Variants in CSMD3 observed in about 807,000 individuals in gnomAD.
CSMD3 encodes the protein CUB and sushi domain-containing protein 3.
Under a neutral mutation model 435.2 loss-of-function variants are expected in CSMD3, and 177 were observed. The ratio of observed to expected loss-of-function variants is 0.41; its 90% CI spans 0.36 to 0.46. The LOEUF (loss-of-function observed/expected upper bound fraction) is 0.46. Ranked by LOEUF, CSMD3 falls within the 20% of genes least tolerant of loss-of-function variation. The pLI is 0.34. For synonymous variants in CSMD3, 1,656 were observed against 1,520.5 expected (o/e 1.09, Z -2.07); for missense variants, 4,265 against 4,504.6 (o/e 0.95, Z 1.52).
chr8:112,876,751 T>C (rs2081293898), intron 10 of CSMD3, among the ~76,000 whole-genome samples: 1 of 152,150 alleles, frequency 6.6e-6, no homozygotes, highest in Non-Finnish European at 1.5e-5. Context: ...TTGGAAGTTC[T>C]GGCCAGGGAA....
At chr8:113,347,417 C>T (rs1452127662) in intron 1 of CSMD3, among the ~76,000 whole-genome samples, 1 of 152,076 alleles carries the variant, frequency 6.6e-6, no homozygotes, top group Non-Finnish European at 1.5e-5. Context: ...CATTGAAAGG[C>T]GTGTAAAGGT....
In CSMD3 at chr8:112,826,886, A is replaced by C. The variant is rs1718156159; in HGVS notation, c.1859+2800T>G. On this transcript the variant is annotated intron_variant, in intron 12 of 70. Transcript: ENST00000297405. ...GGTACTTGGTATTCTTTTGAAAAATAATACCTAATAGTCATTCTATGTTAC... is the reference window on the plus strand; with the variant it reads ...GGTACTTGGTATTCTTTTGAAAAATCATACCTAATAGTCATTCTATGTTAC... 2.0e-5 allele frequency among the ~76,000 whole-genome samples: 3 copies of C among 152,186 alleles called. No individual in the cohort carries two copies. In the South Asian group the frequency reaches 6.2e-4, roughly 32 times the overall value.
intron 23 of CSMD3, among the ~76,000 whole-genome samples, chr8:112,582,234 C>T (rs933955209): frequency 6.6e-6 from 1 of 151,958 alleles, no homozygotes; most frequent in Non-Finnish European, 1.5e-5. Context: ...TTTCTCACCA[C>T]GTAAAACACC....
chr8:112,582,919 T>A (rs1400593878), intron 23 of CSMD3, among the ~76,000 whole-genome samples: 1 of 152,034 alleles, frequency 6.6e-6, no homozygotes, highest in African/African-American at 2.4e-5. Flanking sequence ...TCAGACATAA[T>A]CTGCTAGTGC....
chr8:112,698,341 T>C (rs534635560), intron 13 of CSMD3, among the ~76,000 whole-genome samples: 1 of 152,270 alleles, frequency 6.6e-6, no homozygotes, highest in East Asian at 1.9e-4. Context: ...TGGATATACA[T>C]ACATATGTCA....
At position 112,292,620 on chromosome 8, in the gene CSMD3, T is replaced by C. The variant is rs778445264; in HGVS notation, c.8705A>G (p.Asn2902Ser). ...NFNDVVTFSC[N>S]IGYLMQGPTK... ...TGGCCCTTGCATAAGATACCCAATA[T>C]TGCATGAGAATGTTACCACATCATT... Residue 2902 changes from asparagine (N) to serine (S), a missense_variant, in exon 55 of 71, where the codon AAT (asparagine) becomes AGT (serine). Transcript: ENST00000297405. 1.1e-5 allele frequency: 17 copies of C among 1,613,694 alleles called. No homozygotes were observed. The South Asian group carries it at 1.9e-4, about 18-fold the overall frequency.
At chr8:112,478,693 G>C (rs146966063) in intron 31 of CSMD3, among the ~76,000 whole-genome samples, 1 of 152,144 alleles carries the variant, frequency 6.6e-6, no homozygotes, top group African/African-American at 2.4e-5. Context: ...AGATAGGGGT[G>C]GGTCCGTGGT....
At chr8:112,581,956 G>GT (rs1830365520) in intron 23 of CSMD3, among the ~76,000 whole-genome samples, 1 of 152,052 alleles carries the variant, frequency 6.6e-6, no homozygotes, top group Non-Finnish European at 1.5e-5. Context: ...GGAAGAATAT[G>GT]TAAGCAGAAG....
Position 112,661,150 on chromosome 8 carries a change from G to T in CSMD3, c.2817-4809C>A, listed in dbSNP as rs2075370511. ...TTTGTGTCTTAATCAATAGATAAAA[G>T]AATAAGAAAGTGGCAGAGTAAAACG... On this transcript the variant is annotated intron_variant, in intron 17 of 70. Transcript: ENST00000297405. Among the ~76,000 whole-genome samples, 3 of 152,220 alleles carry T rather than the reference G, an allele frequency of 2.0e-5. No individual in the cohort carries two copies. The South Asian group carries it at 6.2e-4, about 32-fold the overall frequency.
chr8:112,856,153 C>T lies in CSMD3; in HGVS notation c.1755+2992G>A, dbSNP rs531473966. ...TTTTAACTTGCTGTTATAAAGAAAC[C>T]CTCAATTATTTTCATTACTCAAATG... On this transcript the variant is annotated intron_variant, in intron 11 of 70. Coordinates refer to ENST00000297405, the MANE Select transcript of CSMD3 (RefSeq NM_198123.2). 9.2e-5 allele frequency among the ~76,000 whole-genome samples: 14 copies of T among 151,810 alleles called. No homozygotes were observed. In the South Asian group the frequency reaches 2.1e-3, roughly 23 times the overall value.
At chr8:112,666,001 T>TG (rs2075515080) in intron 17 of CSMD3, among the ~76,000 whole-genome samples, 1 of 152,054 alleles carries the variant, frequency 6.6e-6, no homozygotes, top group African/African-American at 2.4e-5. Context: ...ACTAAACTCA[T>TG]TAAGTTAAAG....
At chr8:112,281,470 T>C in intron 58 of CSMD3, 120 bp from the exon 59 acceptor site, 1 of 791,154 alleles carries the variant, frequency 1.3e-6, no homozygotes, top group South Asian at 1.6e-5. Context: ...ACTTCTAAAA[T>C]AAGTAGTAAA....
At chr8:112,828,953 T>C (rs2079780605) in intron 12 of CSMD3, among the ~76,000 whole-genome samples, 2 of 152,212 alleles carry the variant, frequency 1.3e-5, no homozygotes, top group South Asian at 2.1e-4. Flanking sequence ...TAACCCTTGG[T>C]TTATTACAGG....
intron 10 of CSMD3, among the ~76,000 whole-genome samples, chr8:112,869,742 T>C (rs1331691013): frequency 6.6e-6 from 1 of 152,162 alleles, no homozygotes; most frequent in East Asian, 1.9e-4. Context: ...GGGACATGGA[T>C]GAAGCTGGAA....
chr8:112,530,792 C>A (rs1825450461), intron 27 of CSMD3, among the ~76,000 whole-genome samples: 1 of 152,228 alleles, frequency 6.6e-6, no homozygotes, highest in African/African-American at 2.4e-5. Flanking sequence ...GCCCTTGACT[C>A]CGAGCCAATA....
At chr8:112,299,971 T>C (rs527981822) in intron 53 of CSMD3, among the ~76,000 whole-genome samples, 1 of 151,372 alleles carries the variant, frequency 6.6e-6, no homozygotes, top group African/African-American at 2.4e-5. Context: ...ACATACTATA[T>C]ACAATATTAA....
At chr8:113,412,837 C>T (rs1300183518) in intron 1 of CSMD3, among the ~76,000 whole-genome samples, 3 of 152,000 alleles carry the variant, frequency 2.0e-5, no homozygotes, top group African/African-American at 7.2e-5. Flanking sequence ...AGCACGGATG[C>T]ATTAAATATC....
At chr8:112,751,638 T>A in intron 13 of CSMD3, among the ~76,000 whole-genome samples, 1 of 143,056 alleles carries the variant, frequency 7.0e-6, no homozygotes, top group Middle Eastern at 3.6e-3. Flanking sequence ...GTTTTTTTTT[T>A]TTTTTATATA....
At chr8:112,816,711 C>A (rs1267053751) in intron 12 of CSMD3, among the ~76,000 whole-genome samples, 1 of 151,852 alleles carries the variant, frequency 6.6e-6, no homozygotes, top group African/African-American at 2.4e-5. Flanking sequence ...TAGGGCTCAA[C>A]AAACTAAGAG....
Sources: allele counts gnomAD v4.1 joint callset (sites outside exome capture counted in the v4.1 genomes callset), GRCh38; gene constraint gnomAD v4.1.1; transcripts MANE v1.5; gene names NCBI Gene and HGNC (gene_info 2026-07-23, HGNC 2026-07-21).